POLR1B: variants seen among roughly 807,000 people sequenced by gnomAD.
POLR1B encodes the protein DNA-directed RNA polymerase I subunit RPA2.
Under a neutral mutation model 105.8 loss-of-function variants are expected in POLR1B, and 30 were observed. The ratio of observed to expected loss-of-function variants is 0.28; its 90% CI spans 0.21 to 0.38. The LOEUF (loss-of-function observed/expected upper bound fraction) is 0.38, where lower values mean the gene tolerates loss of function less well. POLR1B is among the 10% of genes least tolerant of loss of function. The pLI is 1.00. For synonymous variants in POLR1B, 485 were observed against 505.1 expected (o/e 0.96, Z 0.53); for missense variants, 976 against 1,435.8 (o/e 0.68, Z 5.17).
At chr2:112,548,806 G>A (rs1203034803) in intron 3 of POLR1B, among the ~76,000 whole-genome samples, 1 of 152,118 alleles carries the variant, frequency 6.6e-6, no homozygotes, top group Admixed American at 6.5e-5. Context: ...TAGAGACGGG[G>A]TTTCACCGTG....
intron 1 of POLR1B, chr2:112,545,820 AT>A: frequency 2.7e-6 from 1 of 368,576 alleles, no homozygotes; most frequent in Non-Finnish European, 5.2e-6. Flanking sequence ...TTTTATTTTT[AT>A]TTTTTGTAGA....
At position 112,576,583 on chromosome 2, in the gene POLR1B, A is replaced by G. The variant is rs1031026176; in HGVS notation, c.*854A>G. On this transcript the variant is annotated 3_prime_UTR_variant, in exon 15 of 15. Coordinates refer to ENST00000263331, the MANE Select transcript of POLR1B (RefSeq NM_019014.6). ...TGAGTTTGACTATTACAGATATCTC[A>G]TATAGTGGGATCATGCAATATTTGT... The G allele has an allele frequency of 1.3e-5, 2 of 152,146 alleles. No individual in the cohort carries two copies. Among genetic ancestry groups the G allele is most frequent in the African/African-American group, 4.8e-5 (2 of 41,430 alleles). The allele number at this position is 152,146 out of a possible 1,614,324, so 9.4% of individuals were successfully genotyped here. A position where few individuals can be genotyped will look rare whatever the true frequency, so the allele number is the denominator to read the frequency against.
chr2:112,573,382 CG>C (rs1256309996), intron 13 of POLR1B, among the ~76,000 whole-genome samples, 179 bp from the exon 14 acceptor site: 1 of 152,190 alleles, frequency 6.6e-6, no homozygotes, highest in Non-Finnish European at 1.5e-5. Context: ...GAATTACAGG[CG>C]TGAGCCACCG....
At chr2:112,552,129 G>A (rs1574099651) in intron 6 of POLR1B, 131 bp downstream of exon 6, 3 of 646,858 alleles carry the variant, frequency 4.6e-6, no homozygotes, top group Non-Finnish European at 7.7e-6. Context: ...CCTGGTCCTT[G>A]CTAGCCGGGG....
At position 112,551,865 on chromosome 2, in the gene POLR1B, A is replaced by C; in HGVS notation, c.853A>C (p.Met285Leu). The C allele has an allele frequency of 6.2e-7, 1 of 1,614,008 alleles. No individual in the cohort carries two copies. Among genetic ancestry groups the C allele is most frequent in the South Asian group, 1.1e-5 (1 of 91,084 alleles). The change falls in exon 6 of 15, where the codon ATG becomes CTG. Residue 285 changes from methionine to leucine, a missense_variant. By Grantham distance (15) the Met-to-Leu change is conservative. Coordinates refer to ENST00000263331, the MANE Select transcript of POLR1B (RefSeq NM_019014.6). ...TTTCCTTAGGAACTCTGTTTCTCAGATGTTAAGGATTGTAATGGAAGAGGG... is the reference window on the plus strand; with the variant it reads ...TTTCCTTAGGAACTCTGTTTCTCAGCTGTTAAGGATTGTAATGGAAGAGGG... ...DSFLRNSVSQMLRIVMEEGCS... is the reference protein window; with the variant it reads ...DSFLRNSVSQLLRIVMEEGCS...
At position 112,542,554 on chromosome 2, in the gene POLR1B, T is replaced by C. The variant is rs1032774407; in HGVS notation, c.60T>C (p.Thr20=). 1.9e-6 allele frequency: 3 copies of C among 1,614,038 alleles called. No homozygotes were observed. Among genetic ancestry groups the C allele is most frequent in the African/African-American group, 2.7e-5 (2 of 74,920 alleles). Residue 20 remains threonine (T), a synonymous_variant, in exon 1 of 15, where the codon ACT becomes ACC. Coordinates refer to ENST00000263331, the MANE Select transcript of POLR1B (RefSeq NM_019014.6). The part of the protein sequence containing the change: ...LPSGPSLKHL[T]DPSYGIPREQ... The stretch of plus-strand genomic sequence containing the variant: ...GCGGGCCTAGCCTAAAGCACTTGAC[T>C]GACCCCTCTTATGGAATCCCGCGGG...
chr2:112,574,704 AGAGT>A (rs1265434269), intron 14 of POLR1B, 139 bp from the exon 15 acceptor site: 1 of 788,338 alleles, frequency 1.3e-6, no homozygotes, highest in East Asian at 2.8e-5. Context: ...CCTGGGCAAC[AGAGT>A]GAGACCCTGT....
Position 112,551,874 on chromosome 2 carries a change from A to T in POLR1B, c.862A>T (p.Ile288Phe). 6.2e-7 allele frequency: 1 copy of T among 1,614,008 alleles called. No individual in the cohort carries two copies. The highest frequency in any genetic ancestry group is 8.5e-7 in the Non-Finnish European group (1 of 1,179,876). ...GAACTCTGTTTCTCAGATGTTAAGG[A>T]TTGTAATGGAAGAGGGTTGTTCGAC... ...LRNSVSQMLR[I>F]VMEEGCSTQK... The change falls in exon 6 of 15, where the codon ATT becomes TTT. Residue 288 changes from isoleucine to phenylalanine, a missense_variant. This residue lies in a region of POLR1B where 452 missense variants were observed against 616.5 expected (regional missense o/e 0.73). Transcript: ENST00000263331.
chr2:112,568,590 G>A (rs1016548251), intron 11 of POLR1B, among the ~76,000 whole-genome samples, 156 bp from the exon 12 acceptor site: 1 of 152,158 alleles, frequency 6.6e-6, no homozygotes, highest in African/African-American at 2.4e-5. Flanking sequence ...CTAACTGGTC[G>A]CTTCCCTGTG....
chr2:112,553,399 A>T (rs1558656462), intron 7 of POLR1B: 1 of 151,212 alleles, frequency 6.6e-6, no homozygotes. Context: ...CTCAGCCTCA[A>T]CCTCCCAGGC....
rs1260837096 is a variant in POLR1B at position 112,578,612 on chromosome 2, C to A, written c.*2883C>A. On this transcript the variant is annotated 3_prime_UTR_variant, in exon 15 of 15. Coordinates refer to ENST00000263331, the MANE Select transcript of POLR1B (RefSeq NM_019014.6). Reference sequence around the variant, plus strand: ...ATTTTGGTTGTTTCCAGTTTGGGGGCATTAACAATAAAGCTGATCTGAACA... The same window carrying A: ...ATTTTGGTTGTTTCCAGTTTGGGGGAATTAACAATAAAGCTGATCTGAACA... Among the ~76,000 whole-genome samples, 1 of 152,108 alleles carries A rather than the reference C, an allele frequency of 6.6e-6. No homozygotes were observed. The highest frequency in any genetic ancestry group is 1.5e-5 in the Non-Finnish European group (1 of 68,030).
chr2:112,545,154 C>A (rs1378346796), intron 1 of POLR1B, among the ~76,000 whole-genome samples: 1 of 152,164 alleles, frequency 6.6e-6, no homozygotes. Flanking sequence ...TATTAAAGTT[C>A]TGTATAAAGT....
At chr2:112,574,724 A>C (rs1426842396) in intron 14 of POLR1B, 123 bp from the exon 15 acceptor site, 3 of 9,900 alleles carry the variant, frequency 3.0e-4, no homozygotes, top group Middle Eastern at 0.083. Context: ...CCTGTATCAT[A>C]AAAAAAAAAA....
At chr2:112,547,898 A>T (rs191413336) in intron 3 of POLR1B, among the ~76,000 whole-genome samples, 9 of 151,518 alleles carry the variant, frequency 5.9e-5, no homozygotes, top group Admixed American at 1.3e-4. Flanking sequence ...AAAAATGTCT[A>T]TTTATCTGGG....
intron 1 of POLR1B, among the ~76,000 whole-genome samples, chr2:112,545,169 A>G (rs1050088447): frequency 1.3e-5 from 2 of 152,208 alleles, no homozygotes. Context: ...TAAAGTTCCT[A>G]AGCACAAGAA....
intron 9 of POLR1B, among the ~76,000 whole-genome samples, chr2:112,559,907 G>GT (rs1214221830): frequency 6.6e-6 from 1 of 152,126 alleles, no homozygotes; most frequent in Non-Finnish European, 1.5e-5. Context: ...TGGGATTACA[G>GT]TTGTGAGCCA....
At chr2:112,542,445 TGGCGTCCGGCGTGTACCGA>T, upstream of POLR1B, 1 of 1,327,502 alleles carries the variant, frequency 7.5e-7, no homozygotes, top group East Asian at 4.8e-5. Flanking sequence ...ACCGAGAGAC[TGGCGTCCGGCGTGTACCGA>T]GAGACTGGCG....
intron 10 of POLR1B, among the ~76,000 whole-genome samples, chr2:112,565,931 A>G (rs1341270560): frequency 6.6e-6 from 1 of 151,882 alleles, no homozygotes. Flanking sequence ...GCTGCCAACC[A>G]CCAGTCTTTT....
At chr2:112,573,524 A>G (rs748233656) in intron 13 of POLR1B, 38 bp from the exon 14 acceptor site, 9 of 1,580,928 alleles carry the variant, frequency 5.7e-6, no homozygotes, top group Admixed American at 3.7e-5. Context: ...AAAATCCTCA[A>G]TTGGCCTCAG....
Sources: gnomAD v4.1 joint callset for allele counts (sites outside exome capture counted in the v4.1 genomes callset) on GRCh38, gnomAD v4.1.1 for gene constraint, gnomAD v4.1.1 regional missense constraint, MANE v1.5 for transcripts, NCBI Gene and HGNC (gene_info 2026-07-23, HGNC 2026-07-21) for gene names.